HPS4: variants seen among roughly 807,000 people sequenced by gnomAD.
The protein encoded by HPS4 is BLOC-3 complex member HPS4.
In HPS4, 44 loss-of-function variants were observed where a neutral mutation model predicts 70.3. That is an observed-to-expected ratio of 0.63 (90% CI 0.49 to 0.80). The LOEUF (loss-of-function observed/expected upper bound fraction) is 0.80. HPS4 is among the 30% of genes least tolerant of loss of function. HPS4 has a pLI of 0.00. For synonymous variants in HPS4, 377 were observed against 355.9 expected (o/e 1.06, Z -0.67); for missense variants, 873 against 884.4 (o/e 0.99, Z 0.16).
intron 2 of HPS4, among the ~76,000 whole-genome samples, chr22:26,479,838 C>T (rs564757096): frequency 1.3e-5 from 2 of 152,248 alleles, no homozygotes; most frequent in East Asian, 1.9e-4. Flanking sequence ...CAGTGTGCTC[C>T]GCGGTTGCTG....
chr22:26,473,536 C>T (rs1569107974), intron 4 of HPS4, among the ~76,000 whole-genome samples: 2 of 152,110 alleles, frequency 1.3e-5, no homozygotes, highest in African/African-American at 2.4e-5. Context: ...GAGTGGATCA[C>T]GAGGTCAAGA....
In HPS4 at chr22:26,470,833, T is replaced by A. The variant is rs958532749; in HGVS notation, c.502-20A>T. ...CTCCACCTGTGCAGGGCAAGAGGCA[T>A]CATGCCCACCCATCAGCATGCTCAC... On this transcript the variant is annotated intron_variant, in intron 6 of 13. Transcript: ENST00000398145. 22 of 1,613,852 alleles carry A rather than the reference T, an allele frequency of 1.4e-5. No individual in the cohort carries two copies. Among genetic ancestry groups the A allele is most frequent in the Non-Finnish European group, 1.9e-5 (22 of 1,179,938 alleles).
chr22:26,472,195 G>A (rs1464880959), intron 6 of HPS4, 107 bp downstream of exon 6: 1 of 810,628 alleles, frequency 1.2e-6, no homozygotes, highest in Non-Finnish European at 2.2e-6. Flanking sequence ...CCTGAGAAGT[G>A]ACATTCTACT....
chr22:26,462,137 A>C (rs1276188026), intron 11 of HPS4, among the ~76,000 whole-genome samples: 2 of 152,094 alleles, frequency 1.3e-5, no homozygotes, highest in Non-Finnish European at 2.9e-5. Context: ...AAAAAAAAAA[A>C]AAAAAAAGAA....
chr22:26,471,731 G>A (rs1056434752), intron 6 of HPS4, among the ~76,000 whole-genome samples: 2 of 152,098 alleles, frequency 1.3e-5, no homozygotes, highest in Non-Finnish European at 2.9e-5. Flanking sequence ...ATTTACTATC[G>A]CAGTGAGACA....
chr22:26,479,797 T>C (rs568076524), intron 2 of HPS4: 17 of 543,104 alleles, frequency 3.1e-5, no homozygotes, highest in Admixed American at 1.1e-4. Context: ...CAGGAATTCA[T>C]GCATTCACTT....
downstream of HPS4, among the ~76,000 whole-genome samples, chr22:26,446,724 C>CTGTTTTTTGTTATCTGTTTTTGTTT (rs1351541533): frequency 5.3e-5 from 8 of 152,108 alleles, no homozygotes; most frequent in Non-Finnish European, 8.8e-5. Flanking sequence ...AGGACAGTCA[C>CTGTTTTTTGTTATCTGTTTTTGTTT]TGTTTTTTGT....
At chr22:26,445,593 G>T (rs566297220) in intron 3 of HPS4, among the ~76,000 whole-genome samples, 21 of 152,224 alleles carry the variant, frequency 1.4e-4, no homozygotes, top group Non-Finnish European at 2.5e-4. Flanking sequence ...CGTGCCAGGA[G>T]TTTGCACCCT....
At chr22:26,460,079 A>C (rs2086936287) in intron 11 of HPS4, among the ~76,000 whole-genome samples, 1 of 152,238 alleles carries the variant, frequency 6.6e-6, no homozygotes, top group African/African-American at 2.4e-5. Flanking sequence ...ATTTCAAGTC[A>C]ATAGGTGTGA....
downstream of HPS4, among the ~76,000 whole-genome samples, chr22:26,448,390 T>C (rs2085026324): frequency 6.6e-6 from 1 of 152,238 alleles, no homozygotes; most frequent in Admixed American, 6.5e-5. Context: ...AACCCAGCTG[T>C]CTGACACCAA....
At chr22:26,456,851 GT>G (rs2086225667) in intron 13 of HPS4, among the ~76,000 whole-genome samples, 2 of 151,928 alleles carry the variant, frequency 1.3e-5, no homozygotes, top group African/African-American at 4.8e-5. Context: ...TCCCTTTCTG[GT>G]TTCATAAGAG....
chr22:26,470,854 C>G lies in HPS4; in HGVS notation c.502-41G>C, dbSNP rs763480192. The stretch of plus-strand genomic sequence containing the variant: ...GGCATCATGCCCACCCATCAGCATG[C>G]TCACAATCAGGAAGGGAGAAAAGGG... On this transcript the variant is annotated intron_variant, in intron 6 of 13. Coordinates refer to ENST00000398145, the MANE Select transcript of HPS4 (RefSeq NM_022081.6). The G allele has an allele frequency of 2.5e-6, 4 of 1,612,932 alleles. No individual in the cohort carries two copies. In the East Asian group the frequency reaches 8.9e-5, roughly 36 times the overall value.
downstream of HPS4, among the ~76,000 whole-genome samples, chr22:26,447,194 G>A (rs372831670): frequency 2.2e-4 from 33 of 152,290 alleles, 1 homozygote; most frequent in African/African-American, 7.2e-4. Context: ...GGCTGGACAC[G>A]TGATCCAAGT....
At chr22:26,471,543 G>C (rs1450578762) in intron 6 of HPS4, among the ~76,000 whole-genome samples, 1 of 152,172 alleles carries the variant, frequency 6.6e-6, no homozygotes, top group Non-Finnish European at 1.5e-5. Flanking sequence ...GACACATTAA[G>C]AAGTTTATTC....
At chr22:26,448,091 C>T (rs1463272891), downstream of HPS4, among the ~76,000 whole-genome samples, 4 of 152,208 alleles carry the variant, frequency 2.6e-5, no homozygotes, top group Non-Finnish European at 4.4e-5. Context: ...TATCCAGGCT[C>T]GCAGCACAGC....
downstream of HPS4, among the ~76,000 whole-genome samples, chr22:26,449,578 G>A (rs2085072224): frequency 6.6e-6 from 1 of 151,964 alleles, no homozygotes; most frequent in Admixed American, 6.6e-5. Context: ...TGATCCACCC[G>A]CCTCGGCCTC....
chr22:26,474,246 A>G (rs2090225750), intron 4 of HPS4, among the ~76,000 whole-genome samples: 1 of 152,236 alleles, frequency 6.6e-6, no homozygotes, highest in Non-Finnish European at 1.5e-5. Flanking sequence ...ATCTGTGGAA[A>G]AGCCGAAAAG....
intron 13 of HPS4, among the ~76,000 whole-genome samples, 176 bp downstream of exon 13, chr22:26,457,683 G>A (rs1016380069): frequency 2.0e-5 from 3 of 152,216 alleles, no homozygotes; most frequent in East Asian, 3.8e-4. Context: ...TCCATGGCAC[G>A]TGACTGCACA....
At chr22:26,465,734 A>T (rs2088449492) in intron 9 of HPS4, 183 bp from the exon 10 acceptor site, 1 of 614,376 alleles carries the variant, frequency 1.6e-6, no homozygotes, top group Non-Finnish European at 2.9e-6. Context: ...CCCAGTAAGG[A>T]AAGAGTCCCT....
Sources: allele counts gnomAD v4.1 joint callset (sites outside exome capture counted in the v4.1 genomes callset), GRCh38; gene constraint gnomAD v4.1.1; transcripts MANE v1.5; gene names NCBI Gene and HGNC (gene_info 2026-07-23, HGNC 2026-07-21).